Variants in PCDHA3 observed in about 807,000 individuals in gnomAD.
The protein encoded by PCDHA3 is protocadherin alpha-3.
In PCDHA3, 41 loss-of-function variants were observed where a neutral mutation model predicts 62.2. The ratio of observed to expected loss-of-function variants is 0.66; its 90% CI spans 0.51 to 0.86. The LOEUF is 0.86. Ranked by LOEUF, PCDHA3 falls within the 40% of genes least tolerant of loss-of-function variation. The pLI is 0.00. For synonymous variants in PCDHA3, 640 were observed against 555.4 expected (o/e 1.15, Z -2.14); for missense variants, 1,304 against 1,241.2 (o/e 1.05, Z -0.76).
At chr5:140,944,439 G>A (rs1022400391) in intron 1 of PCDHA3, among the ~76,000 whole-genome samples, 7 of 152,022 alleles carry the variant, frequency 4.6e-5, no homozygotes, top group African/African-American at 1.2e-4. Context: ...TGCCTGCCTC[G>A]GCCTCCCAAA....
chr5:140,936,091 C>T (rs782416143), intron 1 of PCDHA3, among the ~76,000 whole-genome samples: 2 of 152,046 alleles, frequency 1.3e-5, no homozygotes, highest in Non-Finnish European at 2.9e-5. Flanking sequence ...CAGGGTTTCA[C>T]CATGTTGGCC....
chr5:140,973,125 G>A (rs1417014318), intron 1 of PCDHA3, among the ~76,000 whole-genome samples: 2 of 152,166 alleles, frequency 1.3e-5, no homozygotes, highest in African/African-American at 4.8e-5. Context: ...GATGAATTAA[G>A]TTTGCATTCA....
At position 140,928,265 on chromosome 5, in the gene PCDHA3, A is replaced by G. The variant is rs1208273188; in HGVS notation, c.2395-50684A>G. ...CAGGAACTTTTCGTTGCTGAAAACA[A>G]TGGCCCTGGGGCCTCTCTAGGCCGA... On this transcript the variant is annotated intron_variant, in intron 1 of 3. Coordinates refer to ENST00000522353, the MANE Select transcript of PCDHA3 (RefSeq NM_018906.3). The G allele has an allele frequency of 3.1e-6, 5 of 1,614,188 alleles. No individual in the cohort carries two copies. In the South Asian group the frequency reaches 3.3e-5, roughly 11 times the overall value.
intron 1 of PCDHA3, among the ~76,000 whole-genome samples, chr5:140,917,329 G>C (rs543216216): frequency 3.5e-5 from 5 of 143,930 alleles, no homozygotes; most frequent in South Asian, 2.2e-4. Flanking sequence ...TGTGGCGGGG[G>C]AGGGGGGGGA....
intron 1 of PCDHA3, chr5:140,854,257 T>C (rs189442319): frequency 3.3e-6 from 2 of 609,080 alleles, no homozygotes; most frequent in Non-Finnish European, 4.1e-6. Flanking sequence ...TGGTATAAAA[T>C]GTACATTAGT....
At chr5:140,980,728 A>T (rs1268236317) in intron 2 of PCDHA3, among the ~76,000 whole-genome samples, 1 of 152,168 alleles carries the variant, frequency 6.6e-6, no homozygotes, top group African/African-American at 2.4e-5. Context: ...TTCAATTAAG[A>T]TATTATGAGA....
intron 1 of PCDHA3, chr5:140,828,964 CCACTTTAGCA>C (rs1251585912): frequency 6.2e-7 from 1 of 1,614,030 alleles, no homozygotes; most frequent in African/African-American, 1.3e-5. Context: ...TGGTTATTGA[CCACTTTAGCA>C]TAGATCGAAA....
chr5:140,817,146 C>T (rs2126678028), intron 1 of PCDHA3: 109 of 152,324 alleles, frequency 7.2e-4, no homozygotes, highest in African/African-American at 2.5e-3. Flanking sequence ...TGCCAGGTTC[C>T]ATCAGTGCTC....
chr5:140,833,293 A>G (rs1772396864), intron 1 of PCDHA3, among the ~76,000 whole-genome samples: 2 of 152,200 alleles, frequency 1.3e-5, no homozygotes, highest in Non-Finnish European at 2.9e-5. Context: ...AAGCATCTGA[A>G]TACAGACATA....
intron 1 of PCDHA3, among the ~76,000 whole-genome samples, chr5:140,889,730 A>C (rs1554184026): frequency 6.6e-6 from 1 of 152,198 alleles, no homozygotes; most frequent in East Asian, 1.9e-4. Flanking sequence ...TGTCTCACTG[A>C]GTAGCAGAGT....
In PCDHA3 at chr5:140,849,939, G is replaced by T; in HGVS notation, c.2394+46348G>T. On this transcript the variant is annotated intron_variant, in intron 1 of 3. Coordinates refer to ENST00000522353, the MANE Select transcript of PCDHA3 (RefSeq NM_018906.3). ...CATCTTCACGGTGTCTGCGCGGGAC[G>T]CTGACGCGCAGGAGAACGCCCTGGT... The T allele has an allele frequency of 6.3e-7, 1 of 1,598,036 alleles. No homozygotes were observed. The highest frequency in any genetic ancestry group is 8.6e-7 in the Non-Finnish European group (1 of 1,167,746).
intron 1 of PCDHA3, chr5:140,822,409 A>T: frequency 6.2e-7 from 1 of 1,614,100 alleles, no homozygotes; most frequent in Non-Finnish European, 8.5e-7. Flanking sequence ...TTTATTAGTG[A>T]TTGCAACTGA....
At chr5:140,823,381 G>A (rs2150125254) in intron 1 of PCDHA3, 1 of 1,612,786 alleles carries the variant, frequency 6.2e-7, no homozygotes, top group Non-Finnish European at 8.5e-7. Context: ...CCAGGTGAGC[G>A]CGCGCGACGC....
intron 1 of PCDHA3, chr5:140,809,132 G>T: frequency 6.2e-7 from 1 of 1,614,020 alleles, no homozygotes; most frequent in Non-Finnish European, 8.5e-7. Flanking sequence ...CCGCCTACTG[G>T]TACTGGTGAA....
rs146522449 is a variant in PCDHA3, at chr5:140,877,816, G to A, written c.2394+74225G>A. ...CCCAAGCCTTCAGCTGTCTCGAGAA[G>A]ATTGTTTAAATCCTCCCAGTGAAGT... On this transcript the variant is annotated intron_variant, in intron 1 of 3. Coordinates refer to ENST00000522353, the MANE Select transcript of PCDHA3 (RefSeq NM_018906.3). The A allele has an allele frequency of 2.8e-3, 4,449 of 1,609,310 alleles. 21 individuals carry two copies. Among genetic ancestry groups the A allele is most frequent in the African/African-American group, 0.01 (772 of 74,842 alleles).
chr5:140,992,017 C>CTGTGTG (rs10602499), intron 3 of PCDHA3, among the ~76,000 whole-genome samples: 2,290 of 145,594 alleles, frequency 0.016, 56 homozygotes, highest in African/African-American at 0.05. Flanking sequence ...AGAGGTGGCT[C>CTGTGTG]TGTGTGTGTG....
At chr5:140,828,537 A>T (rs2150156505) in intron 1 of PCDHA3, 2 of 1,614,236 alleles carry the variant, frequency 1.2e-6, no homozygotes, top group South Asian at 1.1e-5. Flanking sequence ...AGGCTGCCAG[A>T]TTCTGTGTTT....
intron 1 of PCDHA3, among the ~76,000 whole-genome samples, chr5:140,921,342 TA>T (rs1311011800): frequency 6.6e-6 from 1 of 152,188 alleles, no homozygotes; most frequent in African/African-American, 2.4e-5. Flanking sequence ...AATCACATAA[TA>T]TATTTGCCTA....
intron 1 of PCDHA3, among the ~76,000 whole-genome samples, chr5:140,962,347 C>A (rs191780691): frequency 1.7e-4 from 26 of 152,244 alleles, no homozygotes; most frequent in African/African-American, 5.3e-4. Flanking sequence ...AAGTAAAACT[C>A]CCCCCAATAC....
Sources: gnomAD v4.1 joint callset for allele counts (sites outside exome capture counted in the v4.1 genomes callset) on GRCh38, gnomAD v4.1.1 for gene constraint, MANE v1.5 for transcripts, NCBI Gene and HGNC (gene_info 2026-07-23, HGNC 2026-07-21) for gene names.